The following FAF1 variants were observed in gnomAD, a reference collection of about 807,000 sequenced individuals.
FAF1 encodes the protein FAS-associated factor 1.
In FAF1, 25 loss-of-function variants were observed where a neutral mutation model predicts 92.5. That is an observed-to-expected ratio of 0.27 (90% CI 0.20 to 0.38). The LOEUF (loss-of-function observed/expected upper bound fraction) is 0.38, where lower values mean the gene tolerates loss of function less well. Among genes scored for constraint, FAF1 ranks in the 10% least tolerant of loss-of-function variants. The probability of loss-of-function intolerance (pLI) is 1.00; values close to 1 mark genes in which losing one functional copy is unlikely to be tolerated. For synonymous variants in FAF1, 234 were observed against 273.2 expected (o/e 0.86, Z 1.42); for missense variants, 636 against 793.3 (o/e 0.80, Z 2.38).
Position 50,917,190 on chromosome 1 carries a change from T to C in FAF1, c.45+42577A>G, listed in dbSNP as rs1275257728. ...GGTTTTGGTTCCAGATGGGCTAGAG[T>C]AGCTTGCAGAAGACTAACTCTTGCT... On this transcript the variant is annotated intron_variant, in intron 1 of 18. Coordinates refer to ENST00000396153, the MANE Select transcript of FAF1 (RefSeq NM_007051.3). Among the ~76,000 whole-genome samples, 5 of 152,194 alleles carry C rather than the reference T, an allele frequency of 3.3e-5. No homozygotes were observed. In the South Asian group the frequency reaches 1.0e-3, roughly 32 times the overall value.
chr1:50,663,184 GA>G (rs1028507336), intron 7 of FAF1, among the ~76,000 whole-genome samples: 4 of 150,846 alleles, frequency 2.7e-5, no homozygotes, highest in African/African-American at 4.9e-5. Flanking sequence ...GATTATAACT[GA>G]AAAAAAAGGT....
chr1:50,678,902 AT>A lies in FAF1; in HGVS notation c.658-23375del, dbSNP rs373602208. ...GATGATTGAGACCATCCTGGCTAAC[AT>A]GGTGAAACCCCATCTCTACTAAAAA... On this transcript the variant is annotated intron_variant, in intron 7 of 18. Coordinates refer to ENST00000396153, the MANE Select transcript of FAF1 (RefSeq NM_007051.3). 3.8e-4 allele frequency among the ~76,000 whole-genome samples: 57 copies of A among 151,884 alleles called. 4 individuals carry two copies. Among genetic ancestry groups the A allele is most frequent in the African/African-American group, 1.4e-3 (56 of 41,432 alleles).
chr1:50,800,939 A>G (rs1476444694), intron 3 of FAF1, among the ~76,000 whole-genome samples: 3 of 152,222 alleles, frequency 2.0e-5, no homozygotes, highest in Non-Finnish European at 4.4e-5. Context: ...GAATGGTTTT[A>G]CCTCCTAAGA....
chr1:50,617,225 A>C (rs1652956009), intron 8 of FAF1, among the ~76,000 whole-genome samples: 1 of 152,138 alleles, frequency 6.6e-6, no homozygotes, highest in Admixed American at 6.6e-5. Context: ...TCCAGTTCTC[A>C]AGGGAAATGG....
intron 2 of FAF1, among the ~76,000 whole-genome samples, chr1:50,808,820 A>C (rs1257066455): frequency 3.3e-5 from 5 of 152,196 alleles, no homozygotes; most frequent in African/African-American, 9.6e-5. Context: ...ACTTCCATTA[A>C]ATTGTATGTT....
intron 2 of FAF1, among the ~76,000 whole-genome samples, chr1:50,851,491 T>G (rs1184967425): frequency 6.6e-6 from 1 of 152,204 alleles, no homozygotes; most frequent in Non-Finnish European, 1.5e-5. Context: ...CTATTTCATT[T>G]AGTTTATTTT....
At chr1:50,792,365 G>A (rs936657762) in intron 3 of FAF1, among the ~76,000 whole-genome samples, 2 of 152,302 alleles carry the variant, frequency 1.3e-5, no homozygotes, top group Non-Finnish European at 1.5e-5. Flanking sequence ...TACTTTCTAA[G>A]TTTCCTTTGT....
chr1:50,653,101 A>C (rs1335706400), intron 8 of FAF1, among the ~76,000 whole-genome samples: 1 of 152,036 alleles, frequency 6.6e-6, no homozygotes, highest in Non-Finnish European at 1.5e-5. Flanking sequence ...ATGTATGAAC[A>C]TTATTCTTTT....
At chr1:50,466,951 T>A (rs1437196877) in intron 18 of FAF1, among the ~76,000 whole-genome samples, 18 of 152,204 alleles carry the variant, frequency 1.2e-4, no homozygotes, top group Admixed American at 1.2e-3. Context: ...ATCCTATCTA[T>A]CTCAGTTTTG....
intron 1 of FAF1, among the ~76,000 whole-genome samples, chr1:50,899,977 A>C (rs999756936): frequency 2.6e-5 from 4 of 152,204 alleles, no homozygotes; most frequent in Non-Finnish European, 4.4e-5. Flanking sequence ...TGGGAAGAAG[A>C]AATAGTCTAT....
At chr1:50,614,728 A>G (rs544735850) in intron 8 of FAF1, among the ~76,000 whole-genome samples, 50 of 151,954 alleles carry the variant, frequency 3.3e-4, no homozygotes, top group African/African-American at 1.2e-3. Context: ...AATCCCAGCT[A>G]CTAGGGAGGC....
intron 17 of FAF1, among the ~76,000 whole-genome samples, chr1:50,476,795 G>GA (rs796293498): frequency 3.4e-5 from 5 of 147,438 alleles, no homozygotes; most frequent in Admixed American, 1.3e-4. Context: ...AAAAGCTAGT[G>GA]AAAAAAAACC....
chr1:50,803,269 C>A (rs554897386), intron 2 of FAF1, among the ~76,000 whole-genome samples: 1 of 152,016 alleles, frequency 6.6e-6, no homozygotes, highest in Non-Finnish European at 1.5e-5. Context: ...AAACAAAATA[C>A]CAGAGCTTAG....
chr1:50,604,643 G>A (rs1652293768), intron 8 of FAF1, among the ~76,000 whole-genome samples: 1 of 152,140 alleles, frequency 6.6e-6, no homozygotes, highest in Admixed American at 6.5e-5. Context: ...GTGTGGCTGA[G>A]TCTGCAGGTG....
At chr1:50,461,062 T>C (rs1312110401) in intron 18 of FAF1, among the ~76,000 whole-genome samples, 1 of 152,170 alleles carries the variant, frequency 6.6e-6, no homozygotes, top group Non-Finnish European at 1.5e-5. Flanking sequence ...ACCCTGTATT[T>C]CCCCTAGGAA....
intron 1 of FAF1, among the ~76,000 whole-genome samples, chr1:50,887,206 C>T (rs116684960): frequency 8.1e-4 from 123 of 152,290 alleles, no homozygotes; most frequent in Non-Finnish European, 1.6e-3. Context: ...TCACATCCTT[C>T]GCCCACTTGT....
intron 18 of FAF1, among the ~76,000 whole-genome samples, chr1:50,459,949 G>A (rs1488527278): frequency 6.6e-6 from 1 of 152,168 alleles, no homozygotes; most frequent in Non-Finnish European, 1.5e-5. Flanking sequence ...GGTTTTATGA[G>A]GGCAAGAATT....
intron 6 of FAF1, among the ~76,000 whole-genome samples, chr1:50,710,773 T>G (rs1657890303): frequency 6.6e-6 from 1 of 151,800 alleles, no homozygotes; most frequent in Non-Finnish European, 1.5e-5. Flanking sequence ...CGGCTAATTT[T>G]TTGTATTTTT....
chr1:50,466,383 CTG>C (rs1646496200), intron 18 of FAF1, among the ~76,000 whole-genome samples: 1 of 152,150 alleles, frequency 6.6e-6, no homozygotes, highest in African/African-American at 2.4e-5. Flanking sequence ...TAAGTTCTGA[CTG>C]TTTCATGTGA....
Sources: gnomAD v4.1 joint callset for allele counts (sites outside exome capture counted in the v4.1 genomes callset) on GRCh38, gnomAD v4.1.1 for gene constraint, MANE v1.5 for transcripts, NCBI Gene and HGNC (gene_info 2026-07-23, HGNC 2026-07-21) for gene names.